EPSTI1: variants seen among roughly 807,000 people sequenced by gnomAD.
The protein encoded by EPSTI1 is epithelial stromal interaction 1.
A neutral mutation model predicts 49.9 loss-of-function variants in EPSTI1; 66 were observed. That is an observed-to-expected ratio of 1.32 (90% confidence interval 1.08 to 1.62). The LOEUF (loss-of-function observed/expected upper bound fraction) is 1.62, where lower values mean the gene tolerates loss of function less well. Among genes scored for constraint, EPSTI1 ranks in the 40% most tolerant of loss-of-function variants. EPSTI1 has a pLI of 0.00. For synonymous variants in EPSTI1, 137 were observed against 130.7 expected (o/e 1.05, Z -0.33); for missense variants, 394 against 365.5 (o/e 1.08, Z -0.64).
chr13:42,912,482 A>G (rs981815455), intron 8 of EPSTI1, among the ~76,000 whole-genome samples: 1 of 152,242 alleles, frequency 6.6e-6, no homozygotes, highest in Non-Finnish European at 1.5e-5. Context: ...CACAGAAGAC[A>G]AGCTCCTACA....
At chr13:42,894,374 CT>C (rs1271260820) in intron 10 of EPSTI1, among the ~76,000 whole-genome samples, 2 of 152,102 alleles carry the variant, frequency 1.3e-5, no homozygotes, top group African/African-American at 4.8e-5. Flanking sequence ...GACCTATGGT[CT>C]TTAGTTTTGA....
intron 1 of EPSTI1, among the ~76,000 whole-genome samples, chr13:42,989,417 C>T (rs892447003): frequency 1.3e-5 from 2 of 152,046 alleles, no homozygotes; most frequent in African/African-American, 4.8e-5. Flanking sequence ...AGCATCAGAG[C>T]CCATATTCCT....
chr13:42,939,731 CA>C (rs1224487081), intron 6 of EPSTI1, among the ~76,000 whole-genome samples: 1 of 152,134 alleles, frequency 6.6e-6, no homozygotes, highest in Non-Finnish European at 1.5e-5. Flanking sequence ...AAATATTGTA[CA>C]GATTACCAAA....
Position 42,888,269 on chromosome 13 carries a change from T to C in EPSTI1, c.*225A>G, listed in dbSNP as rs1431642580. The stretch of plus-strand genomic sequence containing the variant: ...TTCCAATTAGAAAAATAATGTAGCA[T>C]TTCCCTGGCAGTAGAGATTAAATAT... On this transcript the variant is annotated 3_prime_UTR_variant, in exon 11 of 11. Coordinates refer to ENST00000313624, the MANE Select transcript of EPSTI1 (RefSeq NM_033255.5). The C allele has an allele frequency of 1.9e-6, 3 of 1,613,480 alleles. No individual in the cohort carries two copies. In the Admixed American group the frequency reaches 5.0e-5, roughly 27 times the overall value.
chr13:42,982,731 A>T (rs186965047), intron 1 of EPSTI1, among the ~76,000 whole-genome samples: 43 of 152,368 alleles, frequency 2.8e-4, no homozygotes, highest in African/African-American at 9.9e-4. Context: ...GTATTTGAGA[A>T]AACAGCAAAA....
At chr13:42,919,738 C>T (rs1231195367) in intron 7 of EPSTI1, among the ~76,000 whole-genome samples, 1 of 152,116 alleles carries the variant, frequency 6.6e-6, no homozygotes, top group East Asian at 1.9e-4. Flanking sequence ...TCAAGTAAGG[C>T]TAAGTTATAT....
chr13:42,906,224 G>A (rs930849074), intron 8 of EPSTI1, among the ~76,000 whole-genome samples: 1 of 152,182 alleles, frequency 6.6e-6, no homozygotes, highest in Admixed American at 6.6e-5. Context: ...TCATTTCTCT[G>A]GGCTCCAATT....
intron 1 of EPSTI1, among the ~76,000 whole-genome samples, chr13:42,987,154 G>C (rs1207786183): frequency 6.6e-6 from 1 of 152,156 alleles, no homozygotes; most frequent in East Asian, 1.9e-4. Flanking sequence ...TAGTCTGGTG[G>C]GTAGACATAC....
chr13:42,887,267 A>G lies in EPSTI1; in HGVS notation c.*1227T>C, dbSNP rs1246652274. The G allele has an allele frequency of 1.3e-5, 2 of 152,196 alleles. No individual in the cohort carries two copies. The highest frequency in any genetic ancestry group is 4.8e-5 in the African/African-American group (2 of 41,428). 9.4% of individuals were successfully genotyped at this position (152,196 alleles called of 1,614,324 possible). ...TACTCCAGAGAAACTTCCTGACACCATCTGTTCTCTGTTACCCCCCACCCA... is the reference window on the plus strand; with the variant it reads ...TACTCCAGAGAAACTTCCTGACACCGTCTGTTCTCTGTTACCCCCCACCCA... On this transcript the variant is annotated 3_prime_UTR_variant, in exon 11 of 11. Coordinates refer to ENST00000313624, the MANE Select transcript of EPSTI1 (RefSeq NM_033255.5).
intron 5 of EPSTI1, among the ~76,000 whole-genome samples, chr13:42,962,051 C>T (rs61711534): frequency 0.023 from 3,503 of 152,248 alleles, 142 homozygotes; most frequent in African/African-American, 0.08. Flanking sequence ...AAGCTACTAA[C>T]TAGGCTCACA....
At chr13:42,959,456 T>G (rs764505157) in intron 5 of EPSTI1, among the ~76,000 whole-genome samples, 2 of 152,256 alleles carry the variant, frequency 1.3e-5, no homozygotes, top group Non-Finnish European at 2.9e-5. Context: ...ATGTTGAGTT[T>G]ACCCCTAAAA....
chr13:42,903,815 A>C (rs2037427074), intron 8 of EPSTI1, among the ~76,000 whole-genome samples: 1 of 152,226 alleles, frequency 6.6e-6, no homozygotes, highest in Admixed American at 6.5e-5. Context: ...GCACAGGTGA[A>C]TTTATTTATA....
chr13:42,927,304 C>T (rs2038214960), intron 6 of EPSTI1, among the ~76,000 whole-genome samples: 1 of 152,138 alleles, frequency 6.6e-6, no homozygotes, highest in Admixed American at 6.5e-5. Flanking sequence ...TTCTGCCTAC[C>T]CTTGATTAAT....
At chr13:42,935,553 C>T (rs779888880) in intron 6 of EPSTI1, among the ~76,000 whole-genome samples, 5 of 152,038 alleles carry the variant, frequency 3.3e-5, no homozygotes, top group Non-Finnish European at 5.9e-5. Context: ...TTCATCCTAC[C>T]GAATTCTTCT....
chr13:42,992,043 T>C lies in EPSTI1; in HGVS notation c.123A>G (p.Arg41=). 1 of 1,613,452 alleles carries C rather than the reference T, an allele frequency of 6.2e-7. No homozygotes were observed. The highest frequency in any genetic ancestry group is 8.5e-7 in the Non-Finnish European group (1 of 1,180,024). The part of the protein sequence containing the change: ...QGELSPVEDQ[R]EGLEAAPKGP... ...CCTTAGGGGCTGCCTCCAAACCCTC[T>C]CTCTGGTCTTCCACGGGGCTCAGCT... The change falls in exon 1 of 11, where the codon AGA becomes AGG. Residue 41 remains arginine, a synonymous_variant. Coordinates refer to ENST00000313624, the MANE Select transcript of EPSTI1 (RefSeq NM_033255.5).
chr13:42,938,914 C>CAAAAAAAAAAAAAA (rs57079104), intron 6 of EPSTI1, among the ~76,000 whole-genome samples: 11 of 59,656 alleles, frequency 1.8e-4, no homozygotes, highest in African/African-American at 2.1e-4. Context: ...GACTCTGTCT[C>CAAAAAAAAAAAAAA]AAAAAAAAAA....
Position 42,889,298 on chromosome 13 carries a change from ATG to A in EPSTI1, c.916-798_916-797del, listed in dbSNP as rs2036961058. ...TATAAAAGCAATTATTGAAGAATAA[ATG>A]TATATGTTAAGAAATATGAGAAGAC... is the stretch of plus-strand genomic sequence containing the variant. On this transcript the variant is annotated intron_variant, in intron 10 of 10. Coordinates refer to ENST00000313624, the MANE Select transcript of EPSTI1 (RefSeq NM_033255.5). The A allele has an allele frequency of 2.8e-6, 3 of 1,066,990 alleles. No homozygotes were observed. In the South Asian group the frequency reaches 4.8e-5, roughly 17 times the overall value. 66.1% of individuals were successfully genotyped at this position (1,066,990 alleles called of 1,614,324 possible).
Position 42,899,617 on chromosome 13 carries a change from T to G in EPSTI1, c.815+693A>C, listed in dbSNP as rs578227884. 2.6e-5 allele frequency among the ~76,000 whole-genome samples: 4 copies of G among 152,306 alleles called. No homozygotes were observed. In the East Asian group the frequency reaches 7.7e-4, roughly 29 times the overall value. On this transcript the variant is annotated intron_variant, in intron 9 of 10. Transcript: ENST00000313624. ...AGCCATTCACTATCAAAAGAATTTG[T>G]CCCTTTAAATTGTGAAAACCCTTAC...
chr13:42,978,069 C>T (rs1016400121), intron 1 of EPSTI1, among the ~76,000 whole-genome samples: 6 of 151,884 alleles, frequency 4.0e-5, no homozygotes, highest in African/African-American at 9.7e-5. Context: ...AGGAGAATGG[C>T]GTGAACCCGG....
Sources: gnomAD v4.1 joint callset for allele counts (sites outside exome capture counted in the v4.1 genomes callset) on GRCh38, gnomAD v4.1.1 for gene constraint, MANE v1.5 for transcripts, NCBI Gene and HGNC (gene_info 2026-07-23, HGNC 2026-07-21) for gene names.